Variants in OSBPL9 observed in about 807,000 individuals in gnomAD.
OSBPL9 encodes the protein oxysterol-binding protein-related protein 9.
Under a neutral mutation model 106.6 loss-of-function variants are expected in OSBPL9, and 40 were observed. The observed-to-expected ratio is 0.38, with a 90% CI of 0.29 to 0.49. The LOEUF (loss-of-function observed/expected upper bound fraction) is 0.49. OSBPL9 is among the 20% of genes least tolerant of loss of function. The probability of loss-of-function intolerance (pLI) is 0.97; values close to 1 mark genes in which losing one functional copy is unlikely to be tolerated. For missense variants in OSBPL9, 609 were observed against 887.2 expected (o/e 0.69, Z 3.98); for synonymous variants, 269 against 295.4 (o/e 0.91, Z 0.92).
intron 1 of OSBPL9, among the ~76,000 whole-genome samples, chr1:51,637,918 TTTAATC>T (rs1645554227): frequency 6.6e-6 from 1 of 152,088 alleles, no homozygotes; most frequent in South Asian, 2.1e-4. Context: ...ATGTAACAGG[TTTAATC>T]TTTGGGTCAA....
the OSBPL9 span, among the ~76,000 whole-genome samples, chr1:51,526,746 C>G: frequency 1.3e-5 from 2 of 150,118 alleles, no homozygotes; most frequent in Non-Finnish European, 3.0e-5. Context: ...TTTTTTTTAA[C>G]TTTTATTTTT....
At chr1:51,711,122 G>C (rs1211774700) in intron 3 of OSBPL9, among the ~76,000 whole-genome samples, 3 of 150,978 alleles carry the variant, frequency 2.0e-5, no homozygotes, top group Non-Finnish European at 4.4e-5. Flanking sequence ...ACACAGACAC[G>C]GCAACCATCC....
Position 51,789,094 on chromosome 1 carries a change from G to T in OSBPL9, c.*1305G>T. 1.2e-6 allele frequency: 1 copy of T among 810,330 alleles called. No individual in the cohort carries two copies. Among genetic ancestry groups the T allele is most frequent in the Non-Finnish European group, 2.0e-6 (1 of 501,810 alleles). The allele number at this position is 810,330 out of a possible 1,614,324, so 50.2% of individuals were successfully genotyped here. On this transcript the variant is annotated 3_prime_UTR_variant, in exon 24 of 24. Transcript: ENST00000428468. ...CCTGGGTTTATTAGTCTCAACAAAG[G>T]ATAAAAAGTAAATCAAATGCTATGA...
chr1:51,704,602 G>T (rs970312811), intron 3 of OSBPL9, among the ~76,000 whole-genome samples: 5 of 152,182 alleles, frequency 3.3e-5, no homozygotes, highest in African/African-American at 1.2e-4. Context: ...TGGAAGTTTA[G>T]ATCAGGATGC....
intron 1 of OSBPL9, chr1:51,594,865 AC>A (rs1165370714): frequency 6.6e-6 from 1 of 152,146 alleles, no homozygotes; most frequent in Non-Finnish European, 1.5e-5. Flanking sequence ...CGAACTGCTT[AC>A]CCCCGTCTTT....
At chr1:51,700,996 A>G (rs1288925350) in intron 3 of OSBPL9, among the ~76,000 whole-genome samples, 4 of 151,912 alleles carry the variant, frequency 2.6e-5, no homozygotes, top group Admixed American at 1.3e-4. Context: ...CTGGAGTGCA[A>G]TGGCACAATC....
At chr1:51,640,974 A>G (rs1420962211) in intron 1 of OSBPL9, among the ~76,000 whole-genome samples, 3 of 151,440 alleles carry the variant, frequency 2.0e-5, no homozygotes. Context: ...TTTTTTTTAG[A>G]GATGGGTTCT....
chr1:51,526,239 A>C, the OSBPL9 span, among the ~76,000 whole-genome samples: 2 of 152,210 alleles, frequency 1.3e-5, no homozygotes, highest in Non-Finnish European at 2.9e-5. Context: ...CCCTACAGGG[A>C]CTTCTCATCA....
intron 4 of OSBPL9, among the ~76,000 whole-genome samples, chr1:51,717,851 AC>A (rs1267425463): frequency 6.6e-6 from 1 of 151,762 alleles, no homozygotes; most frequent in Non-Finnish European, 1.5e-5. Flanking sequence ...CAGCAATCCC[AC>A]TGCTAGGTAT....
At chr1:51,528,258 T>C in the OSBPL9 span, among the ~76,000 whole-genome samples, 1 of 151,824 alleles carries the variant, frequency 6.6e-6, no homozygotes, top group Non-Finnish European at 1.5e-5. Flanking sequence ...GAGATGATCT[T>C]GTATATATAG....
chr1:51,595,418 A>C (rs2148602469), intron 1 of OSBPL9, among the ~76,000 whole-genome samples: 1 of 152,272 alleles, frequency 6.6e-6, no homozygotes, highest in East Asian at 1.9e-4. Flanking sequence ...GCCTATGAAG[A>C]AACCACGATG....
intron 11 of OSBPL9, 110 bp downstream of exon 11, chr1:51,762,081 C>G (rs1571616094): frequency 1.4e-6 from 1 of 733,628 alleles, no homozygotes; most frequent in East Asian, 2.6e-5. Context: ...TGTATATTTT[C>G]TGTTGGAGAT....
chr1:51,543,786 G>C, the OSBPL9 span, among the ~76,000 whole-genome samples: 1 of 152,344 alleles, frequency 6.6e-6, no homozygotes. Context: ...GCTTTCAGCT[G>C]TGTGCAGTCT....
At chr1:51,640,554 G>A (rs1380642626) in intron 1 of OSBPL9, among the ~76,000 whole-genome samples, 1 of 152,080 alleles carries the variant, frequency 6.6e-6, no homozygotes, top group Non-Finnish European at 1.5e-5. Flanking sequence ...TGATTGAAGA[G>A]GACTGAAAGT....
chr1:51,776,969 G>A (rs753003393), intron 15 of OSBPL9, 51 bp downstream of exon 15: 3 of 1,375,280 alleles, frequency 2.2e-6, no homozygotes, highest in Non-Finnish European at 3.1e-6. Context: ...TTACTCAGCA[G>A]CTTTCTGCCT....
rs1012990198 is a variant in OSBPL9, at chr1:51,653,106, T to C, written c.162+1065T>C. On this transcript the variant is annotated intron_variant, in intron 2 of 23. Transcript: ENST00000428468. ...TGAGATAGGAGTAGGTATGGGAGATTTGCAGGATGGAAATGAGACAGGCTT... is the reference window on the plus strand; with the variant it reads ...TGAGATAGGAGTAGGTATGGGAGATCTGCAGGATGGAAATGAGACAGGCTT... 4.1e-4 allele frequency among the ~76,000 whole-genome samples: 63 copies of C among 152,256 alleles called. 1 individual carries two copies. Among genetic ancestry groups the C allele is most frequent in the African/African-American group, 1.4e-3 (58 of 41,548 alleles).
In OSBPL9 at chr1:51,787,484, C is replaced by A; in HGVS notation, c.2132C>A (p.Thr711Lys). The A allele has an allele frequency of 6.2e-7, 1 of 1,613,862 alleles. No homozygotes were observed. ...AAGGAGAAGGAAATTCAGTGGGAGACAAGGGTAAGCTTGCCTGCCCCACCC... is the reference window on the plus strand; with the variant it reads ...AAGGAGAAGGAAATTCAGTGGGAGAAAAGGGTAAGCTTGCCTGCCCCACCC... ...ERKEKEIQWE[T>K]RLFHEDGECW... The change falls in exon 23 of 24, where the codon ACA becomes AAA. Residue 711 changes from threonine (T) to lysine (K), a missense_variant. By Grantham distance (78) the Thr-to-Lys change is moderately conservative. Around this residue, in one of 5 missense-constraint regions of OSBPL9, gnomAD observed 132 missense variants for 158.1 expected, o/e 0.83. Transcript: ENST00000428468.
At chr1:51,696,009 G>A (rs1377022114) in intron 3 of OSBPL9, among the ~76,000 whole-genome samples, 5 of 152,180 alleles carry the variant, frequency 3.3e-5, no homozygotes, top group Admixed American at 3.3e-4. Context: ...GTAAAACCGG[G>A]AAGGTAGATT....
At chr1:51,760,807 T>A (rs757500889) in intron 10 of OSBPL9, 27 bp downstream of exon 10, 4 of 1,609,008 alleles carry the variant, frequency 2.5e-6, no homozygotes, top group Non-Finnish European at 3.4e-6. Context: ...TTTCTTAGAT[T>A]CATTGATGAG....
Sources: allele counts gnomAD v4.1 joint callset (sites outside exome capture counted in the v4.1 genomes callset), GRCh38; gene constraint gnomAD v4.1.1; regional missense constraint gnomAD v4.1.1; transcripts MANE v1.5; gene names NCBI Gene and HGNC (gene_info 2026-07-23, HGNC 2026-07-21).